The following TRDN variants were observed in gnomAD, a reference collection of about 807,000 sequenced individuals.
TRDN encodes the protein triadin, also known as triadin in skeletal muscle.
Under a neutral mutation model 149.7 loss-of-function variants are expected in TRDN, and 161 were observed. That is an observed-to-expected ratio of 1.08 (90% CI 0.95 to 1.23). The LOEUF (loss-of-function observed/expected upper bound fraction) is 1.23. TRDN is among the 50% of genes most tolerant of loss of function. The pLI is 0.00. For missense variants in TRDN, 896 were observed against 823.5 expected (o/e 1.09, Z -1.08); for synonymous variants, 294 against 250.5 (o/e 1.17, Z -1.64).
intron 6 of TRDN, among the ~76,000 whole-genome samples, chr6:123,514,964 A>G (rs80298194): frequency 0.32 from 49,149 of 151,808 alleles, 8,237 homozygotes; most frequent in Admixed American, 0.45. Flanking sequence ...CATTAGGACA[A>G]ATACCTAATG....
chr6:123,266,245 TA>T (rs58413657), intron 32 of TRDN, among the ~76,000 whole-genome samples: 2 of 84,662 alleles, frequency 2.4e-5, no homozygotes, highest in Non-Finnish European at 4.2e-5. Context: ...ATATATATTA[TA>T]ATATATATTA....
chr6:123,347,695 G>C (rs1013745450), intron 21 of TRDN, among the ~76,000 whole-genome samples: 6 of 152,116 alleles, frequency 3.9e-5, no homozygotes, highest in Middle Eastern at 6.8e-3. Flanking sequence ...GGGCAATGTG[G>C]AAATGTCTTG....
At chr6:123,509,721 GAGATA>G (rs1179818401) in intron 7 of TRDN, 1 of 152,060 alleles carries the variant, frequency 6.6e-6, no homozygotes, top group Non-Finnish European at 1.5e-5. Context: ...CAGAAACTGT[GAGATA>G]ATAAATGTGC....
At chr6:123,382,094 G>C in intron 15 of TRDN, 24 bp downstream of exon 15, 1 of 1,462,526 alleles carries the variant, frequency 6.8e-7, no homozygotes, top group Non-Finnish European at 9.0e-7. Context: ...ACATAAGGCA[G>C]AAAAAAAGAA....
chr6:123,331,595 A>T (rs949335962), intron 23 of TRDN, among the ~76,000 whole-genome samples: 1 of 152,038 alleles, frequency 6.6e-6, no homozygotes, highest in Non-Finnish European at 1.5e-5. Flanking sequence ...GATATTTATA[A>T]AATGTAGATT....
chr6:123,356,117 T>G (rs1423274944), intron 20 of TRDN, among the ~76,000 whole-genome samples: 1 of 151,810 alleles, frequency 6.6e-6, no homozygotes, highest in Non-Finnish European at 1.5e-5. Flanking sequence ...TGATTTCTTT[T>G]TCTCATTTTA....
At chr6:123,451,942 C>T (rs1775802358) in intron 10 of TRDN, among the ~76,000 whole-genome samples, 1 of 152,094 alleles carries the variant, frequency 6.6e-6, no homozygotes, top group Non-Finnish European at 1.5e-5. Flanking sequence ...GATGGTTTAA[C>T]ATATGCAAGT....
chr6:123,525,540 A>T (rs1779901949), intron 5 of TRDN, among the ~76,000 whole-genome samples: 1 of 151,998 alleles, frequency 6.6e-6, no homozygotes, highest in Non-Finnish European at 1.5e-5. Context: ...GATCTCAAAA[A>T]ATGGGGAGAT....
intron 2 of TRDN, among the ~76,000 whole-genome samples, chr6:123,569,982 C>G (rs920836301): frequency 1.3e-5 from 2 of 152,150 alleles, no homozygotes; most frequent in African/African-American, 4.8e-5. Context: ...TGTATTTCTT[C>G]TTGAGGTCTG....
chr6:123,342,258 G>T (rs1270802197), intron 21 of TRDN, among the ~76,000 whole-genome samples: 3 of 151,842 alleles, frequency 2.0e-5, no homozygotes, highest in African/African-American at 7.2e-5. Flanking sequence ...TAAGAAATTA[G>T]ATATGCATTC....
At chr6:123,267,613 A>G in intron 32 of TRDN, 94 bp downstream of exon 32, 3 of 815,152 alleles carry the variant, frequency 3.7e-6, no homozygotes, top group Non-Finnish European at 5.5e-6. Flanking sequence ...ACCAGGAAAC[A>G]CAGTGAAAAT....
At position 123,252,453 on chromosome 6, in the gene TRDN, A is replaced by G. The variant is rs1451335855; in HGVS notation, c.1952-18T>C. 6 of 1,457,748 alleles carry G rather than the reference A, an allele frequency of 4.1e-6. No homozygotes were observed. Among genetic ancestry groups the G allele is most frequent in the Non-Finnish European group, 5.6e-6 (6 of 1,062,964 alleles). 90.3% of individuals were successfully genotyped at this position (1,457,748 alleles called of 1,614,324 possible). On this transcript the variant is annotated intron_variant, in intron 37 of 40. Transcript: ENST00000334268. ...TTTTTCTGCTAAAAAGAGAAAATAA[A>G]TAAGTTTTGTTTAACTGAGATAAAA... is the stretch of plus-strand genomic sequence containing the variant.
At chr6:123,380,733 T>C (rs1781685235) in intron 16 of TRDN, among the ~76,000 whole-genome samples, 1 of 149,488 alleles carries the variant, frequency 6.7e-6, no homozygotes, top group Non-Finnish European at 1.5e-5. Flanking sequence ...TTTTTTGCTT[T>C]CTTTTGTTAA....
chr6:123,441,708 T>A (rs952989243), intron 10 of TRDN, among the ~76,000 whole-genome samples: 1 of 152,222 alleles, frequency 6.6e-6, no homozygotes, highest in African/African-American at 2.4e-5. Context: ...TTTTATGCCA[T>A]CTCAAAGCCA....
At chr6:123,426,312 G>C (rs1300024402) in intron 12 of TRDN, among the ~76,000 whole-genome samples, 1 of 152,148 alleles carries the variant, frequency 6.6e-6, no homozygotes, top group Admixed American at 6.6e-5. Flanking sequence ...ACAGTTTGGA[G>C]AGAGTAGTCT....
In TRDN at chr6:123,571,013, C is replaced by T. The variant is rs1782549874; in HGVS notation, c.142G>A (p.Ala48Thr). ...EDIVTTFSSP[A>T]AWLLVIALII... is the part of the protein sequence containing the mutation. ...AGGGCAATGACCAGAAGCCAGGCTGCAGGGGAGCTGAACGTCGTCACTATG... is the reference window on the plus strand; with the variant it reads ...AGGGCAATGACCAGAAGCCAGGCTGTAGGGGAGCTGAACGTCGTCACTATG... The change falls in exon 2 of 41, where the codon GCA becomes ACA. Residue 48 changes from alanine (A) to threonine (T), a missense_variant. Physicochemically the swap from Ala to Thr is moderately conservative, Grantham distance 58. Coordinates refer to ENST00000334268, the MANE Select transcript of TRDN (RefSeq NM_006073.4). The T allele has an allele frequency of 3.1e-6, 5 of 1,613,980 alleles. No homozygotes were observed. The South Asian group carries it at 5.5e-5, about 18-fold the overall frequency.
intron 24 of TRDN, among the ~76,000 whole-genome samples, chr6:123,305,434 G>C (rs1398166020): frequency 1.3e-5 from 2 of 151,992 alleles, no homozygotes; most frequent in African/African-American, 4.8e-5. Flanking sequence ...AATTGTTTTA[G>C]GTTCCTCCAA....
At chr6:123,434,175 T>G (rs565433049) in intron 12 of TRDN, 1 of 152,262 alleles carries the variant, frequency 6.6e-6, no homozygotes, top group East Asian at 1.9e-4. Flanking sequence ...AAAAACCATC[T>G]CTTATTGTAT....
At chr6:123,315,229 C>T (rs539870372) in intron 24 of TRDN, among the ~76,000 whole-genome samples, 21 of 151,866 alleles carry the variant, frequency 1.4e-4, no homozygotes, top group African/African-American at 2.2e-4. Flanking sequence ...ATTTTTTGTA[C>T]GCAGTTTTTC....
Sources: allele counts gnomAD v4.1 joint callset (sites outside exome capture counted in the v4.1 genomes callset), GRCh38; gene constraint gnomAD v4.1.1; transcripts MANE v1.5; gene names NCBI Gene and HGNC (gene_info 2026-07-23, HGNC 2026-07-21).